Variants in ZC3H12B observed in about 807,000 individuals in gnomAD.
ZC3H12B encodes the protein zinc finger CCCH-type containing 12B.
ZC3H12B carries 7 observed loss-of-function variants against 43.9 expected under a neutral mutation model. The observed-to-expected ratio is 0.16, with a 90% CI of 0.09 to 0.30. The LOEUF is 0.30. Ranked by LOEUF, ZC3H12B falls within the 10% of genes least tolerant of loss-of-function variation. The pLI is 1.00. For missense variants in ZC3H12B, 475 were observed against 670.2 expected, an observed-to-expected ratio of 0.71 and a Z score of 3.22; for synonymous variants, 222 against 241.7, an observed-to-expected ratio of 0.92 and a Z score of 0.76.
intron 3 of ZC3H12B, chrX:65,469,457 G>T: frequency 4.8e-6 from 2 of 416,686 alleles, no homozygotes; most frequent in Non-Finnish European, 8.9e-6. Flanking sequence ...ATGACTCCAT[G>T]CTCTTCGAGC....
At chrX:65,254,196 C>T in the ZC3H12B span, among the ~76,000 whole-genome samples, 1 of 112,542 alleles carries the variant, frequency 8.9e-6, no homozygotes, top group East Asian at 2.8e-4. Context: ...TGGCCCCATG[C>T]CACCATGCCA....
At chrX:65,077,048 G>A in the ZC3H12B span, among the ~76,000 whole-genome samples, 1 of 111,596 alleles carries the variant, frequency 9.0e-6, no homozygotes, top group African/African-American at 3.3e-5. Flanking sequence ...ATCTATTTTA[G>A]CAAGTAATGA....
At chrX:65,070,211 G>A in the ZC3H12B span, among the ~76,000 whole-genome samples, 30 of 110,964 alleles carry the variant, frequency 2.7e-4, no homozygotes, top group Non-Finnish European at 5.5e-4. Context: ...TTCTTCTAGA[G>A]TGTCTAGTTT....
chrX:65,375,084 G>T (rs1287617337), intron 2 of ZC3H12B, among the ~76,000 whole-genome samples: 2 of 111,874 alleles, frequency 1.8e-5, no homozygotes, highest in Non-Finnish European at 3.8e-5. Context: ...TCTAGCAGTA[G>T]ATGTGTGGTG....
At chrX:65,339,894 G>T in the ZC3H12B span, among the ~76,000 whole-genome samples, 1 of 111,869 alleles carries the variant, frequency 8.9e-6, no homozygotes, top group Admixed American at 9.4e-5. Context: ...GGCATGGTGG[G>T]GGGCTGGGTT....
intron 2 of ZC3H12B, among the ~76,000 whole-genome samples, chrX:65,384,642 ATGT>A (rs1424956161): frequency 9.0e-6 from 1 of 111,555 alleles, no homozygotes; most frequent in African/African-American, 3.3e-5. Flanking sequence ...TTATCATTGA[ATGT>A]TACTAATTAT....
the ZC3H12B span, among the ~76,000 whole-genome samples, chrX:65,191,508 T>C: frequency 9.8e-6 from 1 of 102,257 alleles, no homozygotes; most frequent in South Asian, 4.0e-4. Flanking sequence ...AGATTCAACT[T>C]CTTCCTGGTT....
the ZC3H12B span, among the ~76,000 whole-genome samples, chrX:65,116,344 C>A: frequency 9.0e-6 from 1 of 110,993 alleles, no homozygotes; most frequent in East Asian, 2.9e-4. Context: ...CTTTGTCTAA[C>A]ATCAGTTGGA....
the ZC3H12B span, among the ~76,000 whole-genome samples, chrX:65,084,924 C>T: frequency 8.9e-6 from 1 of 112,202 alleles, no homozygotes; most frequent in Admixed American, 9.4e-5. Context: ...TATTATTCAG[C>T]CATAAAAAGA....
the ZC3H12B span, among the ~76,000 whole-genome samples, chrX:65,359,374 A>T: frequency 8.9e-6 from 1 of 111,932 alleles, no homozygotes; most frequent in African/African-American, 3.2e-5. Context: ...ATAATGATTC[A>T]TCTGATGAAC....
At chrX:65,163,397 C>T in the ZC3H12B span, among the ~76,000 whole-genome samples, 1 of 111,545 alleles carries the variant, frequency 9.0e-6, no homozygotes, top group African/African-American at 3.3e-5. Flanking sequence ...AGCAGGCAGG[C>T]CTCCTTGAGC....
At chrX:65,164,256 G>T in the ZC3H12B span, among the ~76,000 whole-genome samples, 24 of 111,280 alleles carry the variant, frequency 2.2e-4, no homozygotes, top group Admixed American at 4.8e-4. Flanking sequence ...GGGGGTCAAA[G>T]ATGTCTTTTT....
chrX:65,458,350 G>C (rs550131561), intron 3 of ZC3H12B, among the ~76,000 whole-genome samples: 1 of 110,916 alleles, frequency 9.0e-6, no homozygotes, highest in Non-Finnish European at 1.9e-5. Context: ...AGCTCTGCAC[G>C]AAGCAGACCT....
chrX:65,197,066 G>A, the ZC3H12B span, among the ~76,000 whole-genome samples: 1 of 111,887 alleles, frequency 8.9e-6, no homozygotes, highest in Admixed American at 9.5e-5. Flanking sequence ...AATGGAGCCA[G>A]CAAGTGCCCC....
the ZC3H12B span, among the ~76,000 whole-genome samples, chrX:65,163,163 G>A: frequency 5.4e-5 from 6 of 110,966 alleles, 1 homozygote; most frequent in African/African-American, 1.6e-4. Context: ...CGTGTGAGGT[G>A]TCAGTCTGCC....
chrX:65,427,540 G>A (rs987646473), intron 3 of ZC3H12B, among the ~76,000 whole-genome samples: 22 of 110,307 alleles, frequency 2.0e-4, no homozygotes, highest in Non-Finnish European at 2.8e-4. Flanking sequence ...TGTTGACCAG[G>A]CTGGCCTCAA....
chrX:65,323,720 T>A, the ZC3H12B span, among the ~76,000 whole-genome samples: 2 of 111,880 alleles, frequency 1.8e-5, no homozygotes, highest in Non-Finnish European at 3.8e-5. Flanking sequence ...GTAATGGGAT[T>A]GCTGGGTCAA....
At chrX:65,213,667 T>C in the ZC3H12B span, among the ~76,000 whole-genome samples, 954 of 110,629 alleles carry the variant, frequency 8.6e-3, 12 homozygotes, top group African/African-American at 0.028. Context: ...TTTGTGTATA[T>C]TTCTCAAATT....
At chrX:65,318,002 T>C in the ZC3H12B span, among the ~76,000 whole-genome samples, 1 of 108,427 alleles carries the variant, frequency 9.2e-6, no homozygotes, top group African/African-American at 3.4e-5. Flanking sequence ...AGTATCTTTT[T>C]TGTATAATGA....
Sources: allele counts gnomAD v4.1 joint callset (sites outside exome capture counted in the v4.1 genomes callset), GRCh38; gene constraint gnomAD v4.1.1; transcripts MANE v1.5; gene names NCBI Gene and HGNC (gene_info 2026-07-23, HGNC 2026-07-21).